Variants in SYT1 observed in about 807,000 individuals in gnomAD.
SYT1 encodes synaptotagmin 1, also known as synaptotagmin-1.
A neutral mutation model predicts 44.8 loss-of-function variants in SYT1; 8 were observed. The observed-to-expected ratio is 0.18, with a 90% CI of 0.10 to 0.32. The LOEUF is 0.32. Among genes scored for constraint, SYT1 ranks in the 10% least tolerant of loss-of-function variants. SYT1 has a pLI of 1.00. For synonymous variants in SYT1, 154 were observed against 188.8 expected, an observed-to-expected ratio of 0.82 and a Z score of 1.51; for missense variants, 286 against 509.3, an observed-to-expected ratio of 0.56 and a Z score of 4.22.
intron 9 of SYT1, among the ~76,000 whole-genome samples, chr12:79,362,042 A>G (rs1247744390): frequency 1.3e-5 from 2 of 152,196 alleles, no homozygotes; most frequent in Non-Finnish European, 2.9e-5. Flanking sequence ...TGCAATAGAC[A>G]ACTTACCAGG....
chr12:78,963,780 A>G (rs1879634815), intron 1 of SYT1, among the ~76,000 whole-genome samples: 1 of 152,178 alleles, frequency 6.6e-6, no homozygotes, highest in South Asian at 2.1e-4. Context: ...TCAGAAAATT[A>G]AAAGTAGTGC....
chr12:78,910,230 T>C lies in SYT1; in HGVS notation c.-217+45121T>C, dbSNP rs189058986. Reference sequence around the variant, plus strand: ...GCCTAGCATAGTCCATGTGGCATAGTAGGTGTTTAACAGATATTTGCTAAG... The same window carrying C: ...GCCTAGCATAGTCCATGTGGCATAGCAGGTGTTTAACAGATATTTGCTAAG... On this transcript the variant is annotated intron_variant, in intron 1 of 10. Coordinates refer to ENST00000261205, the MANE Select transcript of SYT1 (RefSeq NM_005639.3). Among the ~76,000 whole-genome samples the C allele has an allele frequency of 2.0e-5, 3 of 152,138 alleles. No homozygotes were observed. In the East Asian group the frequency reaches 5.8e-4, roughly 29 times the overall value.
chr12:79,409,073 A>G (rs1868329466), intron 9 of SYT1, among the ~76,000 whole-genome samples: 1 of 152,116 alleles, frequency 6.6e-6, no homozygotes, highest in Non-Finnish European at 1.5e-5. Context: ...TAGTTCCACA[A>G]TGGTCTGTTT....
At chr12:78,917,668 C>T (rs905685311) in intron 1 of SYT1, among the ~76,000 whole-genome samples, 1 of 150,856 alleles carries the variant, frequency 6.6e-6, no homozygotes, top group East Asian at 1.9e-4. Flanking sequence ...AATAAATTTC[C>T]GTTAACACCC....
chr12:79,315,429 TTGGCCTCAAACTCC>T (rs1683819753), intron 8 of SYT1, among the ~76,000 whole-genome samples: 3 of 152,074 alleles, frequency 2.0e-5, no homozygotes, highest in South Asian at 4.2e-4. Context: ...GTTACTCAGT[TTGGCCTCAAACTCC>T]TGGCCTCAAA....
chr12:78,939,822 T>C (rs544254629), intron 1 of SYT1, among the ~76,000 whole-genome samples: 1 of 152,308 alleles, frequency 6.6e-6, no homozygotes, highest in South Asian at 2.1e-4. Context: ...ATGGCCAAAA[T>C]AATATTCATC....
chr12:79,165,681 A>C (rs1266505754), intron 3 of SYT1, among the ~76,000 whole-genome samples: 2 of 152,014 alleles, frequency 1.3e-5, no homozygotes. Context: ...ATTGCTAAAT[A>C]AGTGAATATT....
At chr12:78,984,335 T>C (rs183265174) in intron 2 of SYT1, among the ~76,000 whole-genome samples, 74 of 152,098 alleles carry the variant, frequency 4.9e-4, no homozygotes, top group Non-Finnish European at 7.4e-5. Flanking sequence ...TGTTTATTTT[T>C]TATGGCACAA....
intron 9 of SYT1, among the ~76,000 whole-genome samples, chr12:79,379,371 CT>C (rs1366064427): frequency 3.3e-5 from 5 of 152,054 alleles, no homozygotes; most frequent in Non-Finnish European, 5.9e-5. Context: ...GAAAATTGGC[CT>C]TTTTGAAGGT....
Position 79,059,084 on chromosome 12 carries a change from C to A in SYT1, c.-18+11722C>A, listed in dbSNP as rs140996759. ...ATCATGCCAGAAGGTGAATGGGGGTCAAAGGCACATCTTACATGGCAGCAG... is the reference window on the plus strand; with the variant it reads ...ATCATGCCAGAAGGTGAATGGGGGTAAAAGGCACATCTTACATGGCAGCAG... On this transcript the variant is annotated intron_variant, in intron 3 of 10. Coordinates refer to ENST00000261205, the MANE Select transcript of SYT1 (RefSeq NM_005639.3). Among the ~76,000 whole-genome samples, 48 of 152,056 alleles carry A rather than the reference C, an allele frequency of 3.2e-4. No homozygotes were observed. The East Asian group carries it at 8.3e-3, about 26-fold the overall frequency.
At chr12:79,200,635 CA>C (rs1873727306) in intron 3 of SYT1, among the ~76,000 whole-genome samples, 2 of 152,138 alleles carry the variant, frequency 1.3e-5, no homozygotes, top group Non-Finnish European at 2.9e-5. Flanking sequence ...CCTGCCCAGG[CA>C]CTTAGAAGGA....
chr12:78,892,927 T>A (rs979506104), intron 1 of SYT1, among the ~76,000 whole-genome samples: 4 of 151,840 alleles, frequency 2.6e-5, no homozygotes, highest in Admixed American at 1.3e-4. Flanking sequence ...ATTCTTGAAT[T>A]GAAAAATTAG....
intron 3 of SYT1, among the ~76,000 whole-genome samples, chr12:79,139,266 A>C (rs1869401574): frequency 6.6e-6 from 1 of 152,206 alleles, no homozygotes; most frequent in African/African-American, 2.4e-5. Context: ...TTTGAGAGAA[A>C]GCAAGAATGA....
chr12:79,021,264 G>A (rs1339846958), intron 2 of SYT1, among the ~76,000 whole-genome samples: 1 of 151,778 alleles, frequency 6.6e-6, no homozygotes, highest in Non-Finnish European at 1.5e-5. Context: ...AATTGGTTTT[G>A]GACTGTTGAG....
chr12:79,332,489 T>C (rs1461908603), intron 8 of SYT1, among the ~76,000 whole-genome samples: 2 of 152,192 alleles, frequency 1.3e-5, no homozygotes, highest in Non-Finnish European at 2.9e-5. Flanking sequence ...TACCACAACA[T>C]GCAATGCATT....
intron 5 of SYT1, among the ~76,000 whole-genome samples, chr12:79,287,987 T>C (rs1432459519): frequency 6.6e-6 from 1 of 152,152 alleles, no homozygotes; most frequent in African/African-American, 2.4e-5. Context: ...GCACTTTGTC[T>C]ACATAGGACA....
chr12:79,073,330 T>C (rs1042528519), intron 3 of SYT1, among the ~76,000 whole-genome samples: 1 of 152,140 alleles, frequency 6.6e-6, no homozygotes, highest in African/African-American at 2.4e-5. Flanking sequence ...CTGGGTGCCC[T>C]GTATTTTCAT....
chr12:79,067,189 G>A (rs1875931051), intron 3 of SYT1, among the ~76,000 whole-genome samples: 1 of 152,116 alleles, frequency 6.6e-6, no homozygotes, highest in Admixed American at 6.6e-5. Context: ...GTCAAGAAGA[G>A]CCTAATGTTA....
intron 3 of SYT1, among the ~76,000 whole-genome samples, chr12:79,071,189 CAG>C (rs1219158747): frequency 2.0e-5 from 3 of 152,220 alleles, no homozygotes; most frequent in Non-Finnish European, 4.4e-5. Context: ...TTGAGAGCAA[CAG>C]ATCCTTCTTC....
Sources: gnomAD v4.1 joint callset for allele counts (sites outside exome capture counted in the v4.1 genomes callset) on GRCh38, gnomAD v4.1.1 for gene constraint, MANE v1.5 for transcripts, NCBI Gene and HGNC (gene_info 2026-07-23, HGNC 2026-07-21) for gene names.